The following XKR4 variants were observed in gnomAD, a reference collection of about 807,000 sequenced individuals.
XKR4 encodes the protein XK-related protein 4.
Under a neutral mutation model 53.9 loss-of-function variants are expected in XKR4, and 12 were observed. That is an observed-to-expected ratio of 0.22 (90% confidence interval 0.14 to 0.36). XKR4 has a LOEUF of 0.36. Ranked by LOEUF, XKR4 falls within the 10% of genes least tolerant of loss-of-function variation. The pLI is 1.00. For synonymous variants in XKR4, 354 were observed against 362.4 expected, an observed-to-expected ratio of 0.98 and a Z score of 0.26; for missense variants, 799 against 859.5, an observed-to-expected ratio of 0.93 and a Z score of 0.88.
Position 55,525,475 on chromosome 8 carries a change from A to T in XKR4, c.*1248A>T, listed in dbSNP as rs182721073. ...AATGCAATGAATATGCTATGAAAAA[A>T]CCCTTCTGAACTGAGAGAGGGCTTA... On this transcript the variant is annotated 3_prime_UTR_variant, in exon 3 of 3. Coordinates refer to ENST00000327381, the MANE Select transcript of XKR4 (RefSeq NM_052898.2). The T allele has an allele frequency of 1.3e-5, 2 of 152,318 alleles. No individual in the cohort carries two copies. Among genetic ancestry groups the T allele is most frequent in the Admixed American group, 6.6e-5 (1 of 15,258 alleles). 9.4% of individuals were successfully genotyped at this position (152,318 alleles called of 1,614,324 possible). A position where few individuals can be genotyped will look rare whatever the true frequency, so the allele number is the denominator to read the frequency against.
At chr8:55,318,467 C>T (rs1803148532) in intron 1 of XKR4, among the ~76,000 whole-genome samples, 1 of 152,182 alleles carries the variant, frequency 6.6e-6, no homozygotes, top group Non-Finnish European at 1.5e-5. Context: ...AGTGCCTCTT[C>T]TCTGTTCTCA....
At chr8:55,348,691 TACAC>T (rs796321076) in intron 1 of XKR4, among the ~76,000 whole-genome samples, 76 of 136,190 alleles carry the variant, frequency 5.6e-4, no homozygotes, top group Admixed American at 8.8e-4. Context: ...CAGACAAACA[TACAC>T]ACACACACAC....
chr8:55,353,745 G>A (rs1417490102), intron 1 of XKR4, among the ~76,000 whole-genome samples: 2 of 152,194 alleles, frequency 1.3e-5, no homozygotes, highest in Admixed American at 1.3e-4. Flanking sequence ...GCTATTCCAA[G>A]CATAAGCATG....
chr8:55,451,833 G>A (rs1805452895), intron 2 of XKR4: 3 of 933,082 alleles, frequency 3.2e-6, no homozygotes, highest in Admixed American at 3.8e-5. Context: ...GGCTGCTCAT[G>A]GTCATGCCGT....
At chr8:55,192,941 G>GC (rs1485432157) in intron 1 of XKR4, among the ~76,000 whole-genome samples, 1 of 152,100 alleles carries the variant, frequency 6.6e-6, no homozygotes, top group Non-Finnish European at 1.5e-5. Flanking sequence ...TGTGTGACCA[G>GC]CAGGGCCACA....
chr8:55,451,501 G>A, intron 2 of XKR4: 1 of 1,060,826 alleles, frequency 9.4e-7, no homozygotes, highest in South Asian at 1.4e-5. Flanking sequence ...GCCTGGAGAA[G>A]GTGCGTTCTG....
intron 2 of XKR4, among the ~76,000 whole-genome samples, chr8:55,468,829 T>C (rs1805827459): frequency 6.6e-6 from 1 of 152,166 alleles, no homozygotes; most frequent in Non-Finnish European, 1.5e-5. Context: ...ATATTCTTTC[T>C]TTGCCCTTTT....
chr8:55,324,648 T>G (rs1201858903), intron 1 of XKR4, among the ~76,000 whole-genome samples: 2 of 152,220 alleles, frequency 1.3e-5, no homozygotes, highest in Non-Finnish European at 2.9e-5. Context: ...AAACTATCAT[T>G]TATTAAGTTC....
chr8:55,504,476 A>C (rs1317654366), intron 2 of XKR4, among the ~76,000 whole-genome samples: 1 of 151,794 alleles, frequency 6.6e-6, no homozygotes, highest in Non-Finnish European at 1.5e-5. Context: ...CAGCCTCCCA[A>C]AGTGTTGGGA....
chr8:55,540,587 G>T lies in XKR4; in HGVS notation c.*16360G>T, dbSNP rs147432144. 1 of 152,284 alleles carries T rather than the reference G, an allele frequency of 6.6e-6. No individual in the cohort carries two copies. The highest frequency in any genetic ancestry group is 1.9e-4 in the East Asian group (1 of 5,178). 9.4% of individuals were successfully genotyped at this position (152,284 alleles called of 1,614,324 possible). ...CAGACAGCTCAATAGCCTAGGGAGA[G>T]TCGATGAAGGATATGCAAATTACAT... is the stretch of plus-strand genomic sequence containing the variant. On this transcript the variant is annotated 3_prime_UTR_variant, in exon 3 of 3. Coordinates refer to ENST00000327381, the MANE Select transcript of XKR4 (RefSeq NM_052898.2).
chr8:55,122,819 G>A (rs894833322), intron 1 of XKR4, among the ~76,000 whole-genome samples: 3 of 151,690 alleles, frequency 2.0e-5, no homozygotes, highest in Non-Finnish European at 4.4e-5. Flanking sequence ...TTCTGTTTAA[G>A]AAATGATTAA....
chr8:55,386,549 G>C (rs972097012), intron 2 of XKR4, among the ~76,000 whole-genome samples: 4 of 152,246 alleles, frequency 2.6e-5, no homozygotes, highest in Non-Finnish European at 5.9e-5. Context: ...TCAATAAGAA[G>C]TTTCTGTAGG....
In XKR4 at chr8:55,475,103, C is replaced by T. The variant is rs369301997; in HGVS notation, c.1007-48178C>T. On this transcript the variant is annotated intron_variant, in intron 2 of 2. Transcript: ENST00000327381. ...ATAATACAATAAATAGTCAGTGATA[C>T]TAAATAGTACACGGATACCAAGGCA... 9.9e-5 allele frequency among the ~76,000 whole-genome samples: 15 copies of T among 152,140 alleles called. No homozygotes were observed. The East Asian group carries it at 1.5e-3, about 16-fold the overall frequency.
chr8:55,329,295 C>T (rs987991707), intron 1 of XKR4, among the ~76,000 whole-genome samples: 2 of 152,076 alleles, frequency 1.3e-5, no homozygotes, highest in Non-Finnish European at 2.9e-5. Flanking sequence ...ACCCAATGCC[C>T]ACAGCTGCAT....
chr8:55,476,849 G>A (rs535724862), intron 2 of XKR4, among the ~76,000 whole-genome samples: 1 of 152,208 alleles, frequency 6.6e-6, no homozygotes, highest in South Asian at 2.1e-4. Context: ...TGGGGGAGGG[G>A]CACCTGCCAT....
At chr8:55,310,351 C>G (rs757357332) in intron 1 of XKR4, among the ~76,000 whole-genome samples, 1 of 152,062 alleles carries the variant, frequency 6.6e-6, no homozygotes, top group African/African-American at 2.4e-5. Context: ...CCCCAGTTTT[C>G]TCATCTATAA....
At chr8:55,181,544 AC>A (rs751609524) in intron 1 of XKR4, among the ~76,000 whole-genome samples, 16 of 152,132 alleles carry the variant, frequency 1.1e-4, no homozygotes, top group Admixed American at 6.5e-4. Flanking sequence ...CATTTGATAG[AC>A]ATTCGTGGAG....
At chr8:55,361,673 C>T (rs1255111561) in intron 2 of XKR4, among the ~76,000 whole-genome samples, 4 of 152,012 alleles carry the variant, frequency 2.6e-5, no homozygotes, top group African/African-American at 9.7e-5. Context: ...CCCCTTGGCA[C>T]TCATTAAAAT....
chr8:55,469,388 T>A (rs1480968917), intron 2 of XKR4, among the ~76,000 whole-genome samples: 1 of 152,124 alleles, frequency 6.6e-6, no homozygotes, highest in Non-Finnish European at 1.5e-5. Context: ...TGTCTTAGCC[T>A]CCCAAGATCC....
Sources: allele counts gnomAD v4.1 joint callset (sites outside exome capture counted in the v4.1 genomes callset), GRCh38; gene constraint gnomAD v4.1.1; transcripts MANE v1.5; gene names NCBI Gene and HGNC (gene_info 2026-07-23, HGNC 2026-07-21).